Variants in GYG1 observed in about 807,000 individuals in gnomAD.
GYG1 encodes glycogenin 1.
In GYG1, 44 loss-of-function variants were observed where a neutral mutation model predicts 41.9. The observed-to-expected ratio is 1.05, with a 90% CI of 0.83 to 1.35. The LOEUF (loss-of-function observed/expected upper bound fraction) is 1.35, where lower values mean the gene tolerates loss of function less well. Ranked by LOEUF, GYG1 falls within the 40% of genes most tolerant of loss-of-function variation. The pLI is 0.00. For missense variants in GYG1, 429 were observed against 418.9 expected (o/e 1.02, Z -0.21); for synonymous variants, 141 against 158.1 (o/e 0.89, Z 0.81).
At chr3:149,011,367 C>T (rs562339355) in intron 5 of GYG1, among the ~76,000 whole-genome samples, 105 of 152,232 alleles carry the variant, frequency 6.9e-4, no homozygotes, top group African/African-American at 2.3e-3. Context: ...AGGACATTTG[C>T]TTATAGTTTA....
intron 5 of GYG1, among the ~76,000 whole-genome samples, chr3:149,010,728 G>T (rs1713678283): frequency 6.6e-6 from 1 of 152,128 alleles, no homozygotes; most frequent in Non-Finnish European, 1.5e-5. Context: ...TGACTCATTT[G>T]TGTTTAACTA....
At chr3:149,006,227 C>T (rs776427634) in intron 4 of GYG1, among the ~76,000 whole-genome samples, 3 of 151,798 alleles carry the variant, frequency 2.0e-5, no homozygotes, top group African/African-American at 4.8e-5. Context: ...GAACTATAGG[C>T]GCGTGCCACC....
rs1435225395 is a variant in GYG1 at position 149,030,153 on chromosome 3, A to T, written c.*3220A>T. 1.3e-5 allele frequency: 2 copies of T among 152,226 alleles called. No individual in the cohort carries two copies. The highest frequency in any genetic ancestry group is 2.9e-5 in the Non-Finnish European group (2 of 68,040). 9.4% of individuals were successfully genotyped at this position (152,226 alleles called of 1,614,324 possible). On this transcript the variant is annotated 3_prime_UTR_variant, in exon 8 of 8. Coordinates refer to ENST00000345003, the MANE Select transcript of GYG1 (RefSeq NM_004130.4). ...ACATTTGAAATTTTTATTGATTTTT[A>T]AATTTAAAATCCAGTTTTAACCACA... is the stretch of plus-strand genomic sequence containing the variant.
At chr3:149,003,595 A>G (rs2107895609) in intron 4 of GYG1, among the ~76,000 whole-genome samples, 1 of 152,302 alleles carries the variant, frequency 6.6e-6, no homozygotes. Flanking sequence ...GTCGTTCTTC[A>G]AAAGACTCTA....
chr3:149,011,083 T>C (rs1433980540), intron 5 of GYG1, among the ~76,000 whole-genome samples: 1 of 152,194 alleles, frequency 6.6e-6, no homozygotes, highest in African/African-American at 2.4e-5. Context: ...CTCCAACATA[T>C]TACATTCTCT....
In GYG1 at chr3:148,996,412, C is replaced by A; in HGVS notation, c.254C>A (p.Thr85Lys). The A allele has an allele frequency of 6.2e-7, 1 of 1,613,806 alleles. No individual in the cohort carries two copies. The highest frequency in any genetic ancestry group is 1.1e-5 in the South Asian group (1 of 91,066). ...AGGCCAGAGTTGGGTGTCACGCTGACAAAGCTCCACTGCTGGTCGCTTACA... is the reference window on the plus strand; with the variant it reads ...AGGCCAGAGTTGGGTGTCACGCTGAAAAAGCTCCACTGCTGGTCGCTTACA... ...MKRPELGVTL[T>K]KLHCWSLTQY... Residue 85 changes from threonine to lysine, a missense_variant, in exon 3 of 8, where the codon ACA becomes AAA. By Grantham distance (78) the Thr-to-Lys change is moderately conservative. Transcript: ENST00000345003.
In GYG1 at chr3:149,027,263, A is replaced by T. The variant is rs532787062; in HGVS notation, c.*330A>T. On this transcript the variant is annotated 3_prime_UTR_variant, in exon 8 of 8. Coordinates refer to ENST00000345003, the MANE Select transcript of GYG1 (RefSeq NM_004130.4). ...CTTAAAATCTGCAGAGCCTGGTTCAAAATCAGTCACTCCCTTCAGAAGCAG... is the reference window on the plus strand; with the variant it reads ...CTTAAAATCTGCAGAGCCTGGTTCATAATCAGTCACTCCCTTCAGAAGCAG... 1 of 343,392 alleles carries T rather than the reference A, an allele frequency of 2.9e-6. No individual in the cohort carries two copies. Among genetic ancestry groups the T allele is most frequent in the Non-Finnish European group, 5.4e-6 (1 of 183,510 alleles). 21.3% of individuals were successfully genotyped at this position (343,392 alleles called of 1,614,324 possible).
At chr3:148,992,103 C>T (rs1712516860) in intron 1 of GYG1, among the ~76,000 whole-genome samples, 1 of 152,122 alleles carries the variant, frequency 6.6e-6, no homozygotes, top group Non-Finnish European at 1.5e-5. Flanking sequence ...CTGCGGCCTC[C>T]GCCCGGCTCC....
rs1219210591 is a variant in GYG1 at position 149,027,303 on chromosome 3, CCTTG to C, written c.*379_*382del. The stretch of plus-strand genomic sequence containing the variant: ...TTCAGAAGCAGACATGGCATCTGTT[CCTTG>C]CTTGCTTGTTGGTTGTGTACCTTTC... On this transcript the variant is annotated 3_prime_UTR_variant, in exon 8 of 8. Coordinates refer to ENST00000345003, the MANE Select transcript of GYG1 (RefSeq NM_004130.4). 3.5e-6 allele frequency: 1 copy of C among 288,262 alleles called. No individual in the cohort carries two copies. The highest frequency in any genetic ancestry group is 6.7e-6 in the Non-Finnish European group (1 of 149,530). The allele number at this position is 288,262 out of a possible 1,614,324, so 17.9% of individuals were successfully genotyped here. A position where few individuals can be genotyped will look rare whatever the true frequency, so the allele number is the denominator to read the frequency against.
At chr3:149,006,480 G>A (rs1713411975) in intron 4 of GYG1, among the ~76,000 whole-genome samples, 1 of 152,154 alleles carries the variant, frequency 6.6e-6, no homozygotes, top group Non-Finnish European at 1.5e-5. Flanking sequence ...ATTATTTGAT[G>A]TTATATAAAT....
chr3:149,009,861 G>A (rs184894527), intron 5 of GYG1, among the ~76,000 whole-genome samples: 148 of 152,312 alleles, frequency 9.7e-4, no homozygotes, highest in African/African-American at 3.5e-3. Flanking sequence ...GTGTGCTGCT[G>A]TGGCTAAGAA....
chr3:149,017,581 G>GGTTT (rs1714123574), intron 5 of GYG1, among the ~76,000 whole-genome samples: 2 of 73,466 alleles, frequency 2.7e-5, no homozygotes, highest in Non-Finnish European at 2.8e-5. Context: ...CTTTTATTTA[G>GGTTT]GTTTTTTTTT....
chr3:148,994,090 C>T, intron 1 of GYG1, 52 bp from the exon 2 acceptor site: 2 of 1,532,934 alleles, frequency 1.3e-6, no homozygotes, highest in Non-Finnish European at 1.8e-6. Flanking sequence ...GGGGAAAAGG[C>T]TTTCTCCAGA....
In GYG1 at chr3:148,996,811, G is replaced by A. The variant is rs760183284; in HGVS notation, c.388G>A (p.Asp130Asn). 1.2e-6 allele frequency: 2 copies of A among 1,613,294 alleles called. No homozygotes were observed. The highest frequency in any genetic ancestry group is 3.3e-5 in the Admixed American group (2 of 60,028). ...LSAAPDPGWP[D>N]CFNSGVFVYQ... ...AGCAGCACCAGACCCAGGGTGGCCT[G>A]ACTGCTTCAATTCCGGAGTCTTCGT... The change falls in exon 4 of 8, where the codon GAC (aspartate) becomes AAC (asparagine). Residue 130 changes from aspartate to asparagine, a missense_variant. Coordinates refer to ENST00000345003, the MANE Select transcript of GYG1 (RefSeq NM_004130.4).
At chr3:149,016,851 C>T (rs1482526801) in intron 5 of GYG1, among the ~76,000 whole-genome samples, 1 of 152,180 alleles carries the variant, frequency 6.6e-6, no homozygotes. Flanking sequence ...GTGTGTGGCT[C>T]TGCCCATGTG....
At position 149,019,836 on chromosome 3, in the gene GYG1, G is replaced by A. The variant is rs527722305; in HGVS notation, c.609-4217G>A. Among the ~76,000 whole-genome samples the A allele has an allele frequency of 1.9e-4, 29 of 152,328 alleles. 1 individual carries two copies. The South Asian group carries it at 4.6e-3, about 24-fold the overall frequency. ...AGGCCATATGGAGAGGTATTTAACCGGCATGGAGCTGGTATCCAGGAGGGC... is the reference window on the plus strand; with the variant it reads ...AGGCCATATGGAGAGGTATTTAACCAGCATGGAGCTGGTATCCAGGAGGGC... On this transcript the variant is annotated intron_variant, in intron 5 of 7. Coordinates refer to ENST00000345003, the MANE Select transcript of GYG1 (RefSeq NM_004130.4).
In GYG1 at chr3:149,028,564, T is replaced by G. The variant is rs1218439838; in HGVS notation, c.*1631T>G. Reference sequence around the variant, plus strand: ...CTGGTTAAGATGAACAGAAACACAGTCTTCAGATATAAAATGTCTTATTTT... The same window carrying G: ...CTGGTTAAGATGAACAGAAACACAGGCTTCAGATATAAAATGTCTTATTTT... On this transcript the variant is annotated 3_prime_UTR_variant, in exon 8 of 8. Transcript: ENST00000345003. Among the ~76,000 whole-genome samples, 1 of 152,122 alleles carries G rather than the reference T, an allele frequency of 6.6e-6. No individual in the cohort carries two copies. The highest frequency in any genetic ancestry group is 2.4e-5 in the African/African-American group (1 of 41,420).
intron 5 of GYG1, among the ~76,000 whole-genome samples, chr3:149,015,658 G>T (rs924825481): frequency 2.0e-5 from 3 of 152,302 alleles, no homozygotes; most frequent in Middle Eastern, 6.8e-3. Flanking sequence ...CTGGTGGAGT[G>T]GTGGGGGAGA....
Position 149,029,569 on chromosome 3 carries a change from GTTT to G in GYG1, c.*2639_*2641del, listed in dbSNP as rs1459751783. 6.6e-6 allele frequency among the ~76,000 whole-genome samples: 1 copy of G among 152,214 alleles called. No homozygotes were observed. Among genetic ancestry groups the G allele is most frequent in the East Asian group, 1.9e-4 (1 of 5,206 alleles). On this transcript the variant is annotated 3_prime_UTR_variant, in exon 8 of 8. Transcript: ENST00000345003. ...TAAAAACTTGAGGTTAAACATTTGA[GTTT>G]TTGTTAAGAGCCAAACATCAAATGT...
Sources: gnomAD v4.1 joint callset for allele counts (sites outside exome capture counted in the v4.1 genomes callset) on GRCh38, gnomAD v4.1.1 for gene constraint, MANE v1.5 for transcripts, NCBI Gene and HGNC (gene_info 2026-07-23, HGNC 2026-07-21) for gene names.